The following TENM2 variants were observed in gnomAD, a reference collection of about 807,000 sequenced individuals.
The protein encoded by TENM2 is teneurin-2.
A neutral mutation model predicts 245.2 loss-of-function variants in TENM2; 52 were observed. The ratio of observed to expected loss-of-function variants is 0.21; its 90% CI spans 0.17 to 0.27. The LOEUF (loss-of-function observed/expected upper bound fraction) is 0.27. Among genes scored for constraint, TENM2 ranks in the 10% least tolerant of loss-of-function variants. The probability of loss-of-function intolerance (pLI) is 1.00; values close to 1 mark genes in which losing one functional copy is unlikely to be tolerated. For synonymous variants in TENM2, 1,363 were observed against 1,438.9 expected (o/e 0.95, Z 1.19); for missense variants, 3,046 against 3,666.8 (o/e 0.83, Z 4.37).
rs1758882139 is a variant in TENM2 at position 167,711,172 on chromosome 5, G to GTA, written c.503-164813_503-164812dup. Among the ~76,000 whole-genome samples the GTA allele has an allele frequency of 2.0e-5, 3 of 152,268 alleles. No homozygotes were observed. The South Asian group carries it at 6.2e-4, about 32-fold the overall frequency. On this transcript the variant is annotated intron_variant, in intron 2 of 28. Coordinates refer to ENST00000518659, the Ensembl canonical transcript of TENM2. ...AATCCAAGTCTGACAACAAACTTTA[G>GTA]TAATCAACCACCAATCCAATAATAA...
rs141691082 is a variant in TENM2 at position 168,227,202 on chromosome 5, C to T, written c.5285-693C>T. Among the ~76,000 whole-genome samples, 410 of 152,272 alleles carry T rather than the reference C, an allele frequency of 2.7e-3. 3 individuals carry two copies. Among genetic ancestry groups the T allele is most frequent in the African/African-American group, 9.4e-3 (389 of 41,554 alleles). ...CTCACATTTCCTTCCCGTAACTTTT[C>T]GGTAAAGGAAAAGGTCAGACGTCTG... On this transcript the variant is annotated intron_variant, in intron 24 of 28. Coordinates refer to ENST00000518659, the Ensembl canonical transcript of TENM2.
intron 2 of TENM2, among the ~76,000 whole-genome samples, chr5:167,814,453 C>CAAAAAAAAAAAA (rs11324953): frequency 2.4e-5 from 2 of 83,892 alleles, no homozygotes; most frequent in African/African-American, 4.7e-5. Flanking sequence ...CACTCCGATT[C>CAAAAAAAAAAAA]AAAAAAAAAA....
At chr5:167,366,004 A>G (rs899047575) in intron 1 of TENM2, among the ~76,000 whole-genome samples, 7 of 143,734 alleles carry the variant, frequency 4.9e-5, no homozygotes, top group African/African-American at 2.1e-4. Flanking sequence ...GAACTTAAAG[A>G]AAGAAATAAT....
intron 7 of TENM2, among the ~76,000 whole-genome samples, chr5:168,074,351 C>T (rs1286113098): frequency 6.6e-6 from 1 of 152,120 alleles, no homozygotes; most frequent in African/African-American, 2.4e-5. Context: ...CCCTGCCAAC[C>T]CCAGAGGGCC....
chr5:168,045,670 C>G (rs1788548149), intron 5 of TENM2, among the ~76,000 whole-genome samples: 1 of 152,208 alleles, frequency 6.6e-6, no homozygotes, highest in Non-Finnish European at 1.5e-5. Context: ...ACCTCCAGTG[C>G]AGCTGCAGCT....
chr5:167,107,130 G>T, the TENM2 span, among the ~76,000 whole-genome samples: 3 of 151,096 alleles, frequency 2.0e-5, no homozygotes, highest in African/African-American at 4.9e-5. Flanking sequence ...GCATGGTGGT[G>T]CATGCCTGTA....
chr5:167,201,052 C>A, the TENM2 span, among the ~76,000 whole-genome samples: 1 of 152,168 alleles, frequency 6.6e-6, no homozygotes, highest in African/African-American at 2.4e-5. Context: ...CTGCCAACTT[C>A]ATGTCTTCTC....
At chr5:167,298,799 G>C (rs1167463822) in intron 1 of TENM2, among the ~76,000 whole-genome samples, 1 of 152,216 alleles carries the variant, frequency 6.6e-6, no homozygotes. Flanking sequence ...GGGATAGCAC[G>C]AGGAGGTATC....
At chr5:167,512,143 C>CA (rs1770002994) in intron 2 of TENM2, among the ~76,000 whole-genome samples, 1 of 152,154 alleles carries the variant, frequency 6.6e-6, no homozygotes, top group Non-Finnish European at 1.5e-5. Flanking sequence ...ACTCAAAAAA[C>CA]ACCTTGAATT....
chr5:167,822,749 C>A (rs1165385093), intron 2 of TENM2, among the ~76,000 whole-genome samples: 13 of 152,002 alleles, frequency 8.6e-5, no homozygotes, highest in Admixed American at 7.9e-4. Context: ...AAAACAACAA[C>A]ACATTAGGCA....
At chr5:167,786,266 C>T (rs1764575125) in intron 2 of TENM2, among the ~76,000 whole-genome samples, 1 of 152,182 alleles carries the variant, frequency 6.6e-6, no homozygotes, top group Non-Finnish European at 1.5e-5. Context: ...GGCTGAACTC[C>T]AGCTGGCTTT....
At chr5:167,969,555 G>T (rs192847854) in intron 4 of TENM2, among the ~76,000 whole-genome samples, 260 of 152,292 alleles carry the variant, frequency 1.7e-3, no homozygotes, top group Non-Finnish European at 3.0e-3. Context: ...TCAGGAAAAT[G>T]AAACTTGAGA....
In TENM2 at chr5:168,138,071, A is replaced by T. The variant is rs150179061; in HGVS notation, c.2422+11105A>T. Among the ~76,000 whole-genome samples the T allele has an allele frequency of 3.2e-3, 492 of 152,320 alleles. 2 individuals are homozygous for T. The highest frequency in any genetic ancestry group is 4.9e-3 in the Non-Finnish European group (336 of 68,022). ...AACATCTTTTCTCTTTGCTATTAAC[A>T]TTCTTTGTCAATGCTTGACTATGGC... is the stretch of plus-strand genomic sequence containing the variant. On this transcript the variant is annotated intron_variant, in intron 12 of 28. Coordinates refer to ENST00000518659, the Ensembl canonical transcript of TENM2.
intron 2 of TENM2, among the ~76,000 whole-genome samples, chr5:167,501,538 G>A (rs991458676): frequency 1.3e-5 from 2 of 152,102 alleles, no homozygotes; most frequent in African/African-American, 4.8e-5. Context: ...TATTAGTGAT[G>A]GATCTGTACT....
At chr5:167,881,664 C>A (rs546969446) in intron 3 of TENM2, among the ~76,000 whole-genome samples, 1 of 152,268 alleles carries the variant, frequency 6.6e-6, no homozygotes, top group African/African-American at 2.4e-5. Context: ...GAGCTACCTG[C>A]GGCTCCTTCC....
At chr5:167,103,277 A>T in the TENM2 span, among the ~76,000 whole-genome samples, 1 of 152,236 alleles carries the variant, frequency 6.6e-6, no homozygotes, top group African/African-American at 2.4e-5. Context: ...AAAGGAGCAT[A>T]GATATCTCTT....
At chr5:167,494,397 AG>A (rs1027761459) in intron 2 of TENM2, among the ~76,000 whole-genome samples, 1 of 152,136 alleles carries the variant, frequency 6.6e-6, no homozygotes, top group Admixed American at 6.6e-5. Flanking sequence ...AGTTGCTAAA[AG>A]GTCTTTTGAG....
At chr5:167,982,387 A>G (rs1035059157) in intron 4 of TENM2, among the ~76,000 whole-genome samples, 4 of 152,170 alleles carry the variant, frequency 2.6e-5, no homozygotes, top group African/African-American at 9.7e-5. Flanking sequence ...TATATATTCC[A>G]TGCTCAATAA....
chr5:167,549,601 A>T (rs199794831), intron 2 of TENM2, among the ~76,000 whole-genome samples: 1 of 152,138 alleles, frequency 6.6e-6, no homozygotes, highest in African/African-American at 2.4e-5. Context: ...CCCTCTTCAG[A>T]TGCTTTTGTT....
Sources: gnomAD v4.1 joint callset for allele counts (sites outside exome capture counted in the v4.1 genomes callset) on GRCh38, gnomAD v4.1.1 for gene constraint, MANE v1.5 for transcripts, NCBI Gene and HGNC (gene_info 2026-07-23, HGNC 2026-07-21) for gene names.